BCR: variants seen among roughly 807,000 people sequenced by gnomAD.
BCR encodes BCR activator of RhoGEF and GTPase, also known as breakpoint cluster region protein.
In BCR, 58 loss-of-function variants were observed where a neutral mutation model predicts 138.6. The ratio of observed to expected loss-of-function variants is 0.42; its 90% CI spans 0.34 to 0.52. The LOEUF (loss-of-function observed/expected upper bound fraction) is 0.52, where lower values mean the gene tolerates loss of function less well. Ranked by LOEUF, BCR falls within the 20% of genes least tolerant of loss-of-function variation. The pLI is 0.06. For synonymous variants in BCR, 786 were observed against 730.1 expected (o/e 1.08, Z -1.23); for missense variants, 1,599 against 1,727.2 (o/e 0.93, Z 1.32).
chr22:23,184,548 C>T (rs577723536), intron 1 of BCR, among the ~76,000 whole-genome samples: 2 of 152,244 alleles, frequency 1.3e-5, no homozygotes, highest in East Asian at 3.9e-4. Flanking sequence ...ATACTCCCTA[C>T]CCCTACACCC....
chr22:23,285,574 A>C (rs892379291), intron 10 of BCR, among the ~76,000 whole-genome samples: 1 of 152,244 alleles, frequency 6.6e-6, no homozygotes, highest in Non-Finnish European at 1.5e-5. Context: ...AAACTTGTTT[A>C]AACTGTGTCC....
intron 1 of BCR, among the ~76,000 whole-genome samples, chr22:23,205,343 G>A (rs2072599047): frequency 6.6e-6 from 1 of 152,120 alleles, no homozygotes; most frequent in South Asian, 2.1e-4. Flanking sequence ...GCATTTGGTG[G>A]GCCTGTCTCA....
intron 1 of BCR, among the ~76,000 whole-genome samples, chr22:23,215,654 G>A (rs112087799): frequency 0.015 from 2,284 of 152,308 alleles, 47 homozygotes; most frequent in African/African-American, 0.05. Context: ...CTGGTGGCTT[G>A]TTGTCCTTGG....
chr22:23,269,109 G>A (rs2073479420), intron 5 of BCR, among the ~76,000 whole-genome samples: 1 of 152,252 alleles, frequency 6.6e-6, no homozygotes, highest in African/African-American at 2.4e-5. Context: ...ACCATGTGGT[G>A]TTAGCGCCCA....
intron 14 of BCR, among the ~76,000 whole-genome samples, chr22:23,291,361 G>A (rs73152654): frequency 0.011 from 1,748 of 152,022 alleles, 13 homozygotes; most frequent in Non-Finnish European, 0.017. Context: ...AAAGACTGTG[G>A]TGCTGTTTGC....
chr22:23,284,232 G>T, intron 9 of BCR, 134 bp downstream of exon 9: 1 of 1,347,476 alleles, frequency 7.4e-7, no homozygotes. Context: ...ACAATGCCAG[G>T]CTCCAGGTTA....
At chr22:23,192,972 C>G (rs1164916240) in intron 1 of BCR, among the ~76,000 whole-genome samples, 1 of 152,044 alleles carries the variant, frequency 6.6e-6, no homozygotes, top group Non-Finnish European at 1.5e-5. Flanking sequence ...CAAGGGGACC[C>G]CAGAAGAAGA....
chr22:23,218,808 GT>G lies in BCR; in HGVS notation c.1280-34984del, dbSNP rs576270923. On this transcript the variant is annotated intron_variant, in intron 1 of 22. Coordinates refer to ENST00000305877, the MANE Select transcript of BCR (RefSeq NM_004327.4). The stretch of plus-strand genomic sequence containing the variant: ...GCAGAGGGGACTCCTGTAAAGGGCT[GT>G]TTTTTTCTGTCCTGGAATGAGCACA... 1.4e-4 allele frequency among the ~76,000 whole-genome samples: 21 copies of G among 152,352 alleles called. 1 individual carries two copies. The East Asian group carries it at 4.0e-3, about 29-fold the overall frequency.
At chr22:23,193,882 C>T (rs2072445454) in intron 1 of BCR, among the ~76,000 whole-genome samples, 1 of 152,230 alleles carries the variant, frequency 6.6e-6, no homozygotes, top group Admixed American at 6.5e-5. Flanking sequence ...TGACTCCTAC[C>T]TTATCTGGGT....
chr22:23,308,445 A>G (rs1189180374), intron 16 of BCR, among the ~76,000 whole-genome samples: 1 of 152,142 alleles, frequency 6.6e-6, no homozygotes, highest in Non-Finnish European at 1.5e-5. Flanking sequence ...AGCTGGGACT[A>G]CAGACGCCCA....
At chr22:23,300,677 G>A (rs774841823) in intron 16 of BCR, among the ~76,000 whole-genome samples, 1 of 152,176 alleles carries the variant, frequency 6.6e-6, no homozygotes, top group Non-Finnish European at 1.5e-5. Context: ...AGCTGCCAGG[G>A]TGCCACCAGG....
At position 23,181,613 on chromosome 22, in the gene BCR, G is replaced by T. The variant is rs776251024; in HGVS notation, c.653G>T (p.Gly218Val). The change falls in exon 1 of 23, where the codon GGC (glycine) becomes GTC (valine). Residue 218 changes from glycine (G) to valine (V), a missense_variant. Gly to Val is a moderately radical substitution (Grantham distance 109). Coordinates refer to ENST00000305877, the MANE Select transcript of BCR (RefSeq NM_004327.4). ...ATGGAGCGCAAAAAGTCCCAGCACG[G>T]CGCGGGCTCGAGCGTGGGGGATGCA... Reference protein sequence around the residue: ...MQMERKKSQHGAGSSVGDASR... With the variant: ...MQMERKKSQHVAGSSVGDASR... 6.2e-7 allele frequency: 1 copy of T among 1,612,064 alleles called. No homozygotes were observed. Among genetic ancestry groups the T allele is most frequent in the Non-Finnish European group, 8.5e-7 (1 of 1,179,988 alleles).
chr22:23,280,048 A>G (rs1039015337), intron 8 of BCR, among the ~76,000 whole-genome samples: 2 of 150,020 alleles, frequency 1.3e-5, no homozygotes, highest in Non-Finnish European at 3.0e-5. Context: ...ATCCCATCAC[A>G]TGGATTCCAC....
intron 1 of BCR, among the ~76,000 whole-genome samples, chr22:23,214,304 GT>G (rs1049129986): frequency 2.6e-5 from 4 of 151,494 alleles, no homozygotes; most frequent in African/African-American, 9.7e-5. Flanking sequence ...AGCAATAATT[GT>G]TTTCAAATGG....
In BCR at chr22:23,315,444, G is replaced by A; in HGVS notation, c.3738G>A (p.Leu1246=). Residue 1246 remains leucine (L), a synonymous_variant, in exon 23 of 23, where the codon CTG becomes CTA. Coordinates refer to ENST00000305877, the MANE Select transcript of BCR (RefSeq NM_004327.4). ...SLEVMSQVQV[L]LYFLQLEAIP... ...CTCTGCCCGGGCAGGTCCAGGTGCT[G>A]CTGTACTTCCTGCAGCTGGAGGCCA... 1 of 1,613,714 alleles carries A rather than the reference G, an allele frequency of 6.2e-7. No individual in the cohort carries two copies. Among genetic ancestry groups the A allele is most frequent in the Non-Finnish European group, 8.5e-7 (1 of 1,179,996 alleles).
intron 1 of BCR, among the ~76,000 whole-genome samples, chr22:23,240,448 G>A (rs919188447): frequency 5.3e-5 from 8 of 151,370 alleles, no homozygotes; most frequent in South Asian, 2.1e-4. Context: ...TCAGGAGATC[G>A]AGACCATCCT....
In BCR at chr22:23,181,955, G is replaced by A; in HGVS notation, c.995G>A (p.Cys332Tyr). 1.2e-6 allele frequency: 2 copies of A among 1,613,070 alleles called. No individual in the cohort carries two copies. Among genetic ancestry groups the A allele is most frequent in the Non-Finnish European group, 1.7e-6 (2 of 1,179,910 alleles). Residue 332 changes from cysteine (C) to tyrosine (Y), a missense_variant, in exon 1 of 23, where the codon TGC (cysteine) becomes TAC (tyrosine). Coordinates refer to ENST00000305877, the MANE Select transcript of BCR (RefSeq NM_004327.4). ...EDCGGGYTPD[C>Y]SSNENLTSSE... is the part of the protein sequence containing the mutation. ...TGCGGAGGCGGCTATACCCCGGACT[G>A]CAGCTCCAATGAGAACCTCACCTCC...
intron 8 of BCR, among the ~76,000 whole-genome samples, chr22:23,278,729 G>T (rs184385886): frequency 6.6e-6 from 1 of 151,906 alleles, no homozygotes; most frequent in African/African-American, 2.4e-5. Flanking sequence ...GTGAAATTCC[G>T]TCTCAAAAAA....
In BCR at chr22:23,260,924, C is replaced by A. The variant is rs1408970534; in HGVS notation, c.1462-26C>A. On this transcript the variant is annotated intron_variant, in intron 2 of 22. Coordinates refer to ENST00000305877, the MANE Select transcript of BCR (RefSeq NM_004327.4). ...AGAATCCCCCTACCACCCTTCCAGG[C>A]TGACTTCTGTCTATTTCTCCTGCAG... 3 of 1,605,788 alleles carry A rather than the reference C, an allele frequency of 1.9e-6. No individual in the cohort carries two copies. The East Asian group carries it at 6.7e-5, about 36-fold the overall frequency.
Sources: allele counts gnomAD v4.1 joint callset (sites outside exome capture counted in the v4.1 genomes callset), GRCh38; gene constraint gnomAD v4.1.1; transcripts MANE v1.5; gene names NCBI Gene and HGNC (gene_info 2026-07-23, HGNC 2026-07-21).